Variants in ZNF701 observed in about 807,000 individuals in gnomAD.
The protein encoded by ZNF701 is zinc finger protein 701.
A neutral mutation model predicts 7.1 loss-of-function variants in ZNF701; 6 were observed. That is an observed-to-expected ratio of 0.84 (90% CI 0.46 to 1.66). The LOEUF (loss-of-function observed/expected upper bound fraction) is 1.66. ZNF701 is among the 40% of genes most tolerant of loss of function. The pLI is 0.01. For missense variants in ZNF701, 541 were observed against 559.2 expected (o/e 0.97, Z 0.33); for synonymous variants, 166 against 188.2 (o/e 0.88, Z 0.97).
At chr19:52,579,553 G>C (rs1021412507) in intron 3 of ZNF701, among the ~76,000 whole-genome samples, 10 of 132,348 alleles carry the variant, frequency 7.6e-5, no homozygotes, top group Non-Finnish European at 1.2e-4. Flanking sequence ...AAATCTTAAA[G>C]TTATAGCATA....
intron 3 of ZNF701, among the ~76,000 whole-genome samples, chr19:52,579,103 G>C (rs1159230174): frequency 7.0e-6 from 1 of 143,080 alleles, no homozygotes; most frequent in Admixed American, 6.7e-5. Flanking sequence ...AAATAAAAAG[G>C]CATGAAAAAA....
At chr19:52,597,326 T>G in the ZNF701 span, 1 of 542,964 alleles carries the variant, frequency 1.8e-6, no homozygotes, top group Non-Finnish European at 3.8e-6. Flanking sequence ...GAATCCATAC[T>G]GGACAGAAAT....
downstream of ZNF701, among the ~76,000 whole-genome samples, chr19:52,591,627 T>C (rs554764451): frequency 2.0e-5 from 3 of 152,084 alleles, no homozygotes; most frequent in South Asian, 6.2e-4. Flanking sequence ...TACCTGGGAT[T>C]AGAGGTGGGC....
At position 52,583,741 on chromosome 19, in the gene ZNF701, A is replaced by C. The variant is rs1436142117; in HGVS notation, c.*284A>C. 5 of 704,648 alleles carry C rather than the reference A, an allele frequency of 7.1e-6. No individual in the cohort carries two copies. In the Middle Eastern group the frequency reaches 7.5e-4, roughly 105 times the overall value. 43.6% of individuals were successfully genotyped at this position (704,648 alleles called of 1,614,324 possible). A position where few individuals can be genotyped will look rare whatever the true frequency, so the allele number is the denominator to read the frequency against. On this transcript the variant is annotated 3_prime_UTR_variant, in exon 4 of 4. Transcript: ENST00000391785. ...GAGTGTGGCAGAGCCTTTGGTGGTC[A>C]GTCAACACTTACTCACCATCAAGCA...
chr19:52,599,843 G>A, the ZNF701 span, among the ~76,000 whole-genome samples: 1 of 152,204 alleles, frequency 6.6e-6, no homozygotes, highest in Non-Finnish European at 1.5e-5. Flanking sequence ...CTGTCGCCAT[G>A]TTGTAAAACT....
the ZNF701 span, chr19:52,595,811 A>C: frequency 1.2e-6 from 2 of 1,609,020 alleles, no homozygotes; most frequent in East Asian, 4.5e-5. Context: ...TGAAGCACCC[A>C]TGACAGAAAC....
At position 52,583,937 on chromosome 19, in the gene ZNF701, T is replaced by C; in HGVS notation, c.*480T>C. The C allele has an allele frequency of 2.5e-6, 1 of 399,676 alleles. No individual in the cohort carries two copies. The allele number at this position is 399,676 out of a possible 1,614,324, so 24.8% of individuals were successfully genotyped here. A position where few individuals can be genotyped will look rare whatever the true frequency, so the allele number is the denominator to read the frequency against. On this transcript the variant is annotated 3_prime_UTR_variant, in exon 4 of 4. Coordinates refer to ENST00000391785, the MANE Select transcript of ZNF701 (RefSeq NM_018260.3). ...ATAACTTGCAGTTCATTGGCGATCTTATACAGGAGAGAAATCTTACAAATG... is the reference window on the plus strand; with the variant it reads ...ATAACTTGCAGTTCATTGGCGATCTCATACAGGAGAGAAATCTTACAAATG...
chr19:52,582,176 A>G (rs1364527521), intron 3 of ZNF701, 26 bp from the exon 4 acceptor site: 6 of 1,530,830 alleles, frequency 3.9e-6, no homozygotes, highest in Non-Finnish European at 5.3e-6. Flanking sequence ...CTTAATTTGA[A>G]ACCTATTTGT....
chr19:52,595,348 C>T, the ZNF701 span, among the ~76,000 whole-genome samples: 1 of 151,850 alleles, frequency 6.6e-6, no homozygotes, highest in Non-Finnish European at 1.5e-5. Flanking sequence ...CGCCTCACTG[C>T]AAGCTCTGCC....
chr19:52,595,578 G>T, the ZNF701 span: 1 of 894,484 alleles, frequency 1.1e-6, no homozygotes, highest in Non-Finnish European at 1.7e-6. Flanking sequence ...CCTACCATCT[G>T]TACTTAATTG....
Position 52,582,907 on chromosome 19 carries a change from C to T in ZNF701, c.848C>T (p.Ser283Leu). The T allele has an allele frequency of 6.2e-7, 1 of 1,613,230 alleles. No homozygotes were observed. Among genetic ancestry groups the T allele is most frequent in the Non-Finnish European group, 8.5e-7 (1 of 1,179,372 alleles). Residue 283 changes from serine to leucine, a missense_variant, in exon 4 of 4, where the codon TCA (serine) becomes TTA (leucine). Ser to Leu is a moderately radical substitution (Grantham distance 145, BLOSUM62 -2). Coordinates refer to ENST00000391785, the MANE Select transcript of ZNF701 (RefSeq NM_018260.3). ...TGTGGCAAGACATTCAGTCACAATT[C>T]AGCCCTGTTAGTTCACAAGGCAATT... is the stretch of plus-strand genomic sequence containing the variant. The part of the protein sequence containing the change: ...NECGKTFSHN[S>L]ALLVHKAIHT...
intron 2 of ZNF701, 22 bp from the exon 3 acceptor site, chr19:52,575,873 T>C (rs2059930996): frequency 7.0e-7 from 1 of 1,426,506 alleles, no homozygotes; most frequent in African/African-American, 1.5e-5. Context: ...AACCATTTGC[T>C]TAAAATGTGT....
chr19:52,591,928 A>G, downstream of ZNF701: 1 of 378,262 alleles, frequency 2.6e-6, no homozygotes, highest in Non-Finnish European at 4.8e-6. Context: ...CTATCAAGGA[A>G]AAGTGCAATA....
chr19:52,593,767 A>G, the ZNF701 span, among the ~76,000 whole-genome samples: 2 of 104,536 alleles, frequency 1.9e-5, 1 homozygote, highest in South Asian at 6.9e-4. Flanking sequence ...ACGGGGTGGC[A>G]GGGCAGAGGT....
the ZNF701 span, among the ~76,000 whole-genome samples, chr19:52,593,907 A>T: frequency 2.6e-5 from 3 of 116,986 alleles, 1 homozygote; most frequent in Non-Finnish European, 5.6e-5. Context: ...CTCACTTCCC[A>T]GATGGGGTGG....
intron 3 of ZNF701, among the ~76,000 whole-genome samples, chr19:52,579,050 C>G (rs2059957843): frequency 7.9e-6 from 1 of 126,624 alleles, no homozygotes; most frequent in Non-Finnish European, 1.6e-5. Context: ...CCCGCCGTGC[C>G]CATTTCTTTC....
At chr19:52,588,942 C>T (rs2060026138), downstream of ZNF701, among the ~76,000 whole-genome samples, 2 of 152,142 alleles carry the variant, frequency 1.3e-5, no homozygotes. Flanking sequence ...AGGTTTTCAC[C>T]CTGTTGGCCA....
At chr19:52,591,882 CT>C (rs971324653), downstream of ZNF701, among the ~76,000 whole-genome samples, 2 of 152,198 alleles carry the variant, frequency 1.3e-5, no homozygotes, top group Non-Finnish European at 2.9e-5. Context: ...GTCCATAAAA[CT>C]GAGACTTCCA....
chr19:52,588,484 CAAAAAA>C (rs376707736), downstream of ZNF701: 2 of 156,954 alleles, frequency 1.3e-5, no homozygotes, highest in Non-Finnish European at 2.5e-5. Context: ...GACACCATCT[CAAAAAA>C]AAAAAAAAGA....
Sources: allele counts gnomAD v4.1 joint callset (sites outside exome capture counted in the v4.1 genomes callset), GRCh38; gene constraint gnomAD v4.1.1; transcripts MANE v1.5; gene names NCBI Gene and HGNC (gene_info 2026-07-23, HGNC 2026-07-21).